Variants in NCR1 observed in about 807,000 individuals in gnomAD.
The protein encoded by NCR1 is NK cell-activating receptor.
A neutral mutation model predicts 32.5 loss-of-function variants in NCR1; 30 were observed. The observed-to-expected ratio is 0.92, with a 90% CI of 0.69 to 1.25. The LOEUF is 1.25. Ranked by LOEUF, NCR1 falls within the 50% of genes most tolerant of loss-of-function variation. NCR1 has a pLI of 0.00. For missense variants in NCR1, 369 were observed against 380.7 expected (o/e 0.97, Z 0.26); for synonymous variants, 169 against 143.4 (o/e 1.18, Z -1.28).
At chr19:54,923,859 C>T in the NCR1 span, 42 of 1,613,876 alleles carry the variant, frequency 2.6e-5, no homozygotes, top group South Asian at 4.6e-4. Flanking sequence ...AAATTAGTTT[C>T]ATAGGTCTTC....
chr19:54,929,310 A>G, the NCR1 span, among the ~76,000 whole-genome samples: 2 of 152,028 alleles, frequency 1.3e-5, no homozygotes, highest in African/African-American at 4.8e-5. Flanking sequence ...GGTTGCAGTG[A>G]GCCAAGATCG....
chr19:54,932,877 G>A, the NCR1 span, among the ~76,000 whole-genome samples: 1 of 151,860 alleles, frequency 6.6e-6, no homozygotes, highest in African/African-American at 2.4e-5. Context: ...GGCTGGTCTC[G>A]AACCTTAGGT....
At chr19:54,931,145 C>T in the NCR1 span, among the ~76,000 whole-genome samples, 1 of 152,122 alleles carries the variant, frequency 6.6e-6, no homozygotes, top group African/African-American at 2.4e-5. Context: ...GCAAATGGGC[C>T]GGGCACAGTG....
At chr19:54,910,180 T>A in intron 5 of NCR1, 115 bp downstream of exon 5, 3 of 1,015,208 alleles carry the variant, frequency 3.0e-6, no homozygotes, top group Non-Finnish European at 3.0e-6. Flanking sequence ...CTCACGCCTG[T>A]AATCCCAGCA....
chr19:54,934,486 T>TA, the NCR1 span: 7 of 1,613,980 alleles, frequency 4.3e-6, no homozygotes, highest in Non-Finnish European at 5.9e-6. The surrounding 1 kb of genome is among the most constrained non-coding windows in gnomAD (Gnocchi z 6.7). Context: ...AGAGGAGACT[T>TA]ACGACAACAT....
rs2067628782 is a variant in NCR1, at chr19:54,906,588, A to G, written c.136A>G (p.Thr46Ala). The change falls in exon 3 of 7, where the codon ACC (threonine) becomes GCC (alanine). Residue 46 changes from threonine (T) to alanine (A), a missense_variant. By Grantham distance (58) the Thr-to-Ala change is moderately conservative. Transcript: ENST00000291890. ...HFMVPKEKQV[T>A]ICCQGNYGAV... Reference sequence around the variant, plus strand: ...CATGGTTCCAAAGGAAAAGCAAGTGACCATCTGTTGCCAGGGAAATTATGG... The same window carrying G: ...CATGGTTCCAAAGGAAAAGCAAGTGGCCATCTGTTGCCAGGGAAATTATGG... The G allele has an allele frequency of 6.2e-7, 1 of 1,613,832 alleles. No homozygotes were observed. The highest frequency in any genetic ancestry group is 8.5e-7 in the Non-Finnish European group (1 of 1,180,050).
chr19:54,912,758 G>T lies in NCR1; in HGVS notation c.802G>T (p.Ala268Ser), dbSNP rs752531481. The T allele has an allele frequency of 4.6e-5, 75 of 1,613,976 alleles. No individual in the cohort carries two copies. The highest frequency in any genetic ancestry group is 6.2e-5 in the Non-Finnish European group (73 of 1,180,036). ...GGGCCTGGCCTTTCTAGTCCTGGTG[G>T]CTCTAGTGTGGTTCCTGGTTGAAGA... is the stretch of plus-strand genomic sequence containing the variant. The part of the protein sequence containing the change: ...RMGLAFLVLV[A>S]LVWFLVEDWL... The change falls in exon 7 of 7, where the codon GCT becomes TCT. Residue 268 changes from alanine (A) to serine (S), a missense_variant. By Grantham distance (99) the Ala-to-Ser change is moderately conservative. Coordinates refer to ENST00000291890, the MANE Select transcript of NCR1 (RefSeq NM_004829.7).
the NCR1 span, chr19:54,930,563 C>A: frequency 4.3e-6 from 7 of 1,612,508 alleles, no homozygotes; most frequent in Admixed American, 8.3e-5. Flanking sequence ...AATCCACGAG[C>A]TATCTGGTTG....
intron 5 of NCR1, among the ~76,000 whole-genome samples, chr19:54,910,553 C>T (rs763203656): frequency 6.6e-6 from 1 of 151,998 alleles, no homozygotes; most frequent in Non-Finnish European, 1.5e-5. Flanking sequence ...CACTGCACGA[C>T]ACAGCGAGAC....
rs60025694 is a variant in NCR1 at position 54,912,599 on chromosome 19, CAAAAAAAAAAAAAAAAAAAAAAAAA to C, written c.734-76_734-52del. On this transcript the variant is annotated intron_variant, in intron 6 of 6. Transcript: ENST00000291890. ...GGGCGACAAGACTGAGGCTCTGTCTCAAAAAAAAAAAAAAAAAAAAAAAAAAAAAAAAAAAAAAAGAGGGTGTCCT... is the reference window on the plus strand; with the variant it reads ...GGGCGACAAGACTGAGGCTCTGTCTCAAAAAAAAAAAAAAGAGGGTGTCCT... 6.0e-4 allele frequency: 225 copies of C among 375,076 alleles called. 1 individual carries two copies. Among genetic ancestry groups the C allele is most frequent in the Middle Eastern group, 1.5e-3 (2 of 1,328 alleles). The allele number at this position is 375,076 out of a possible 1,614,324, so 23.2% of individuals were successfully genotyped here.
At chr19:54,924,926 G>A in the NCR1 span, among the ~76,000 whole-genome samples, 1 of 152,280 alleles carries the variant, frequency 6.6e-6, no homozygotes, top group African/African-American at 2.4e-5. Context: ...GACAGAGCGA[G>A]ACTCTGCCTC....
At chr19:54,914,075 A>G (rs1345973414), downstream of NCR1, among the ~76,000 whole-genome samples, 4 of 151,652 alleles carry the variant, frequency 2.6e-5, no homozygotes, top group East Asian at 7.7e-4. Context: ...CTCAAAAAAA[A>G]AAAGAAAAAA....
downstream of NCR1, among the ~76,000 whole-genome samples, chr19:54,914,710 A>G (rs2068097382): frequency 6.7e-6 from 1 of 149,634 alleles, no homozygotes; most frequent in Non-Finnish European, 1.5e-5. Flanking sequence ...TTCCTCCAAG[A>G]GTTTCCACAA....
chr19:54,915,109 G>A (rs933638348), downstream of NCR1, among the ~76,000 whole-genome samples: 8 of 152,134 alleles, frequency 5.3e-5, no homozygotes, highest in East Asian at 7.7e-4. Context: ...ACCCTGATTC[G>A]GCATGCATGT....
At chr19:54,903,382 G>GTATA (rs1330237708), upstream of NCR1, among the ~76,000 whole-genome samples, 1 of 125,134 alleles carries the variant, frequency 8.0e-6, no homozygotes, top group Non-Finnish European at 1.7e-5. Context: ...ATACATGTAT[G>GTATA]TATATACATA....
the NCR1 span, among the ~76,000 whole-genome samples, chr19:54,901,123 G>GA: frequency 4.5e-4 from 46 of 101,560 alleles, 2 homozygotes; most frequent in African/African-American, 8.0e-4. Context: ...TCTCTACTTT[G>GA]AAAAAAAAAA....
At chr19:54,914,626 A>T (rs1407684305), downstream of NCR1, among the ~76,000 whole-genome samples, 1 of 152,012 alleles carries the variant, frequency 6.6e-6, no homozygotes, top group Non-Finnish European at 1.5e-5. Context: ...GGTGTGAGTC[A>T]CCGTACCCGG....
At chr19:54,919,856 C>T (rs2068213680), downstream of NCR1, among the ~76,000 whole-genome samples, 1 of 152,168 alleles carries the variant, frequency 6.6e-6, no homozygotes, top group Non-Finnish European at 1.5e-5. Context: ...GACCAAGGAG[C>T]CCTCTGGTGG....
At chr19:54,928,465 T>C in the NCR1 span, among the ~76,000 whole-genome samples, 3 of 151,730 alleles carry the variant, frequency 2.0e-5, no homozygotes, top group Non-Finnish European at 4.4e-5. Context: ...CAGAGGGGAG[T>C]GAGCAGAAGA....
Sources: gnomAD v4.1 joint callset for allele counts (sites outside exome capture counted in the v4.1 genomes callset) on GRCh38, gnomAD v4.1.1 for gene constraint, Gnocchi (gnomAD v3.1) non-coding constraint, MANE v1.5 for transcripts, NCBI Gene and HGNC (gene_info 2026-07-23, HGNC 2026-07-21) for gene names.